The following IRAK1BP1 variants were observed in gnomAD, a reference collection of about 807,000 sequenced individuals.
The protein encoded by IRAK1BP1 is interleukin-1 receptor-associated kinase 1-binding protein 1.
IRAK1BP1 carries 24 observed loss-of-function variants against 28.0 expected under a neutral mutation model. The ratio of observed to expected loss-of-function variants is 0.86; its 90% CI spans 0.62 to 1.20. The LOEUF is 1.20. IRAK1BP1 is among the 50% of genes most tolerant of loss of function. The pLI is 0.00. For missense variants in IRAK1BP1, 336 were observed against 316.7 expected, an observed-to-expected ratio of 1.06 and a Z score of -0.46; for synonymous variants, 131 against 116.3, an observed-to-expected ratio of 1.13 and a Z score of -0.81.
chr6:78,890,613 A>C (rs902102323), intron 2 of IRAK1BP1, among the ~76,000 whole-genome samples: 7 of 152,160 alleles, frequency 4.6e-5, no homozygotes, highest in African/African-American at 1.7e-4. Context: ...GAATAAAAGG[A>C]CTCCAAAAGT....
At chr6:78,932,274 A>AT (rs1773067791) in intron 4 of IRAK1BP1, among the ~76,000 whole-genome samples, 1 of 152,098 alleles carries the variant, frequency 6.6e-6, no homozygotes, top group Non-Finnish European at 1.5e-5. Context: ...TAAAGTTGAT[A>AT]TTTTGATCTC....
chr6:78,952,176 T>C, the IRAK1BP1 span, among the ~76,000 whole-genome samples: 95 of 152,180 alleles, frequency 6.2e-4, 1 homozygote, highest in South Asian at 8.1e-3. Flanking sequence ...TCCCAGCACT[T>C]TGGGGAGGCT....
rs142043201 is a variant in IRAK1BP1, at chr6:78,898,089, G to A, written c.538G>A (p.Glu180Lys). The A allele has an allele frequency of 1.8e-4, 296 of 1,611,646 alleles. No individual in the cohort carries two copies. Among genetic ancestry groups the A allele is most frequent in the Non-Finnish European group, 2.4e-4 (287 of 1,178,970 alleles). The change falls in exon 4 of 4, where the codon GAG becomes AAG. Residue 180 changes from glutamate (E) to lysine (K), a missense_variant. Transcript: ENST00000369940. ...ACGGCAAGCCTGTCTTGTTGCTGTT[G>A]AGAATGCGTGGCGCAAAGCTCAAGA... ...LRRQACLVAV[E>K]NAWRKAQEVC...
chr6:78,957,277 A>G, the IRAK1BP1 span: 3 of 152,160 alleles, frequency 2.0e-5, no homozygotes, highest in African/African-American at 7.2e-5. Context: ...GAAAAAACAG[A>G]TACACATACA....
the IRAK1BP1 span, among the ~76,000 whole-genome samples, chr6:78,971,934 G>A: frequency 0.45 from 67,471 of 151,160 alleles, 15,573 homozygotes; most frequent in East Asian, 0.68. Context: ...ACTGCAAGGC[G>A]GCAGCGAGGC....
chr6:78,976,125 T>C, the IRAK1BP1 span, among the ~76,000 whole-genome samples: 1 of 149,858 alleles, frequency 6.7e-6, no homozygotes, highest in African/African-American at 2.4e-5. Context: ...CTTCAAACTA[T>C]ACTACAAGGC....
chr6:78,907,569 C>A (rs1462105523), downstream of IRAK1BP1, among the ~76,000 whole-genome samples: 1 of 152,082 alleles, frequency 6.6e-6, no homozygotes, highest in Non-Finnish European at 1.5e-5. Flanking sequence ...TCCATAGTTT[C>A]TGTGTTAAAA....
chr6:78,935,511 T>C, intron 4 of IRAK1BP1: 1 of 979,064 alleles, frequency 1.0e-6, no homozygotes, highest in Non-Finnish European at 1.2e-6. Flanking sequence ...CACTGAAATG[T>C]ATCTCTTACG....
chr6:78,945,162 C>A, intron 4 of IRAK1BP1: 1 of 643,266 alleles, frequency 1.6e-6, no homozygotes, highest in Non-Finnish European at 2.8e-6. Context: ...TAGCTCATTG[C>A]AGTAAATTTA....
intron 1 of IRAK1BP1, among the ~76,000 whole-genome samples, chr6:78,880,294 A>T (rs951174506): frequency 6.6e-6 from 1 of 152,194 alleles, no homozygotes; most frequent in Non-Finnish European, 1.5e-5. Flanking sequence ...CAAATCCAAA[A>T]ATCTAAAATT....
the IRAK1BP1 span, among the ~76,000 whole-genome samples, chr6:78,975,615 C>T: frequency 6.6e-6 from 1 of 152,134 alleles, no homozygotes; most frequent in Non-Finnish European, 1.5e-5. Context: ...GATTGTGTAT[C>T]TAGAAAACCC....
In IRAK1BP1 at chr6:78,931,147, T is replaced by C. The variant is rs371784203; in HGVS notation, c.*68-14261T>C. ...TGGGCTTAGTGGTTCATGCATGTAA[T>C]CTTAGCACATTGGAAGGCCAAAGTA... On this transcript the variant is annotated intron_variant and NMD_transcript_variant, in intron 4 of 4. Transcript: ENST00000606868. 6.6e-5 allele frequency among the ~76,000 whole-genome samples: 10 copies of C among 152,174 alleles called. No individual in the cohort carries two copies. In the East Asian group the frequency reaches 1.2e-3, roughly 18 times the overall value.
rs765051691 is a variant in IRAK1BP1, at chr6:78,867,607, G to T, written c.31G>T (p.Val11Leu). 2 of 1,614,164 alleles carry T rather than the reference G, an allele frequency of 1.2e-6. No homozygotes were observed. The highest frequency in any genetic ancestry group is 1.7e-4 in the Middle Eastern group (1 of 6,056). Reference protein sequence around the residue: MSLQKTPPTRVFVELVPWADR... With the variant: MSLQKTPPTRLFVELVPWADR... ...TCTGCAAAAGACCCCTCCGACCCGA[G>T]TGTTCGTGGAACTGGTTCCCTGGGC... Residue 11 changes from valine to leucine, a missense_variant, in exon 1 of 4, where the codon GTG (valine) becomes TTG (leucine). Coordinates refer to ENST00000369940, the MANE Select transcript of IRAK1BP1 (RefSeq NM_001010844.4).
intron 1 of IRAK1BP1, among the ~76,000 whole-genome samples, chr6:78,873,512 C>G (rs992716877): frequency 6.6e-6 from 1 of 151,662 alleles, no homozygotes; most frequent in Non-Finnish European, 1.5e-5. Context: ...GGGTCTCATT[C>G]TGTTGCCCAG....
At chr6:78,886,064 T>C (rs1562081571) in intron 2 of IRAK1BP1, among the ~76,000 whole-genome samples, 1 of 152,156 alleles carries the variant, frequency 6.6e-6, no homozygotes, top group Non-Finnish European at 1.5e-5. Context: ...AGTACGTGCC[T>C]AGTACGTGCC....
intron 4 of IRAK1BP1, chr6:78,940,699 A>G (rs760214958): frequency 6.2e-7 from 1 of 1,609,144 alleles, no homozygotes; most frequent in Non-Finnish European, 8.5e-7. Flanking sequence ...CAAGTTACCA[A>G]CCAATTAAAT....
At chr6:78,964,802 A>AT in the IRAK1BP1 span, among the ~76,000 whole-genome samples, 1 of 152,154 alleles carries the variant, frequency 6.6e-6, no homozygotes, top group Admixed American at 6.5e-5. Flanking sequence ...GTAATATATT[A>AT]TTTTTTAAAA....
chr6:78,908,579 T>C (rs1365598998), intron 4 of IRAK1BP1, among the ~76,000 whole-genome samples: 1 of 152,054 alleles, frequency 6.6e-6, no homozygotes, highest in Non-Finnish European at 1.5e-5. Context: ...GGCCTCAGCT[T>C]ATCCTCCCAC....
chr6:78,923,715 T>A (rs1772807423), intron 4 of IRAK1BP1, among the ~76,000 whole-genome samples: 1 of 152,106 alleles, frequency 6.6e-6, no homozygotes, highest in Admixed American at 6.6e-5. Flanking sequence ...TATAACAAAC[T>A]GTGTCTCAGA....
Sources: allele counts gnomAD v4.1 joint callset (sites outside exome capture counted in the v4.1 genomes callset), GRCh38; gene constraint gnomAD v4.1.1; transcripts MANE v1.5; gene names NCBI Gene and HGNC (gene_info 2026-07-23, HGNC 2026-07-21).